Variants in ATG2B observed in about 807,000 individuals in gnomAD.
The protein encoded by ATG2B is autophagy-related protein 2 homolog B.
A neutral mutation model predicts 241.3 loss-of-function variants in ATG2B; 121 were observed. The observed-to-expected ratio is 0.50, with a 90% CI of 0.43 to 0.58. The LOEUF (loss-of-function observed/expected upper bound fraction) is 0.58, where lower values mean the gene tolerates loss of function less well. ATG2B is among the 20% of genes least tolerant of loss of function. The pLI is 0.00. For synonymous variants in ATG2B, 858 were observed against 876.6 expected (o/e 0.98, Z 0.37); for missense variants, 2,306 against 2,491.6 (o/e 0.93, Z 1.59).
chr14:96,295,727 C>CCACACACACACACACACA (rs59902412), intron 34 of ATG2B, among the ~76,000 whole-genome samples, 167 bp from the exon 35 acceptor site: 20,432 of 145,626 alleles, frequency 0.14, 1,537 homozygotes, highest in East Asian at 0.18. Context: ...CTTCCCCCCA[C>CCACACACACACACACACA]CACACACACA....
At chr14:96,304,714 A>T in intron 31 of ATG2B, 111 bp from the exon 32 acceptor site, 1 of 802,326 alleles carries the variant, frequency 1.2e-6, no homozygotes, top group Non-Finnish European at 1.9e-6. Flanking sequence ...AAGAGTACAG[A>T]GCTATCAGAA....
intron 27 of ATG2B, 34 bp downstream of exon 27, chr14:96,311,508 G>T: frequency 6.6e-7 from 1 of 1,512,658 alleles, no homozygotes; most frequent in South Asian, 1.2e-5. Context: ...TTAAAAAATA[G>T]AACTTAAAAT....
intron 38 of ATG2B, 67 bp from the exon 39 acceptor site, chr14:96,291,002 GTTT>G: frequency 1.5e-6 from 2 of 1,315,860 alleles, no homozygotes; most frequent in Admixed American, 5.3e-5. Context: ...TAGTTTGAGG[GTTT>G]TTTTTTACTT....
At position 96,290,298 on chromosome 14, in the gene ATG2B, C is replaced by A. The variant is rs1192928621; in HGVS notation, c.5856+138G>T. Reference sequence around the variant, plus strand: ...CTAAACATTTAAGCAATAAAACAAGCATGACATTAAATCACTACGAATAAA... The same window carrying A: ...CTAAACATTTAAGCAATAAAACAAGAATGACATTAAATCACTACGAATAAA... On this transcript the variant is annotated intron_variant, in intron 40 of 41. Transcript: ENST00000359933. The surrounding 1 kb of genome is among the most constrained non-coding windows in gnomAD (Gnocchi z 4.4). 1.6e-6 allele frequency: 2 copies of A among 1,289,718 alleles called. No individual in the cohort carries two copies. Among genetic ancestry groups the A allele is most frequent in the Non-Finnish European group, 2.1e-6 (2 of 955,788 alleles). 79.9% of individuals were successfully genotyped at this position (1,289,718 alleles called of 1,614,324 possible). A position where few individuals can be genotyped will look rare whatever the true frequency, so the allele number is the denominator to read the frequency against.
chr14:96,335,673 C>A (rs1392073290), intron 6 of ATG2B, among the ~76,000 whole-genome samples: 1 of 152,174 alleles, frequency 6.6e-6, no homozygotes, highest in Admixed American at 6.5e-5. Flanking sequence ...TGCCCACAGA[C>A]AACTTATTTT....
intron 33 of ATG2B, 140 bp downstream of exon 33, chr14:96,302,921 A>T (rs1886831614): frequency 3.3e-6 from 2 of 613,450 alleles, no homozygotes; most frequent in Non-Finnish European, 5.2e-6. Flanking sequence ...AACTTTAAGC[A>T]ATACATTCAA....
chr14:96,301,876 C>A (rs573375206), intron 34 of ATG2B, 131 bp downstream of exon 34: 1 of 665,964 alleles, frequency 1.5e-6, no homozygotes, highest in Non-Finnish European at 2.5e-6. Context: ...TTGCCCTATT[C>A]TTTATCAGAA....
Position 96,335,872 on chromosome 14 carries a change from T to C in ATG2B, c.925-1371A>G, listed in dbSNP as rs555757802. On this transcript the variant is annotated intron_variant, in intron 6 of 41. Transcript: ENST00000359933. ...AATCAAGAGTTTCATTTCTAATTCA[T>C]TGAAATTAAAATTTTCATAGAAATA... 7.2e-5 allele frequency among the ~76,000 whole-genome samples: 11 copies of C among 152,358 alleles called. No homozygotes were observed. The East Asian group carries it at 1.2e-3, about 16-fold the overall frequency.
At chr14:96,341,740 T>C (rs1888042804) in intron 5 of ATG2B, 39 bp from the exon 6 acceptor site, 1 of 1,346,048 alleles carries the variant, frequency 7.4e-7, no homozygotes, top group Non-Finnish European at 1.0e-6. Flanking sequence ...TAAAATACTT[T>C]CATATAAATA....
chr14:96,311,018 C>G (rs1383842154), intron 28 of ATG2B, 99 bp downstream of exon 28: 22 of 1,129,670 alleles, frequency 1.9e-5, no homozygotes, highest in Non-Finnish European at 2.5e-5. Context: ...GAATGACTTT[C>G]AAAGTTTCTT....
In ATG2B at chr14:96,325,699, C is replaced by T; in HGVS notation, c.2387G>A (p.Gly796Glu). 1 of 1,613,620 alleles carries T rather than the reference C, an allele frequency of 6.2e-7. No individual in the cohort carries two copies. The highest frequency in any genetic ancestry group is 1.3e-5 in the African/African-American group (1 of 74,950). Residue 796 changes from glycine to glutamate, a missense_variant, in exon 15 of 42, where the codon GGA becomes GAA. Gly to Glu is a moderately conservative substitution (Grantham distance 98, BLOSUM62 -2). Coordinates refer to ENST00000359933, the MANE Select transcript of ATG2B (RefSeq NM_018036.7). ...DLEFKTEFIG[G>E]STPEQIKLEL... ...CAATTTAATTTGTTCTGGGGTTGATCCTCCTATAAATTCAGTCTTAAATTC... is the reference window on the plus strand; with the variant it reads ...CAATTTAATTTGTTCTGGGGTTGATTCTCCTATAAATTCAGTCTTAAATTC...
At chr14:96,298,447 G>A (rs1246294095) in intron 34 of ATG2B, among the ~76,000 whole-genome samples, 1 of 152,208 alleles carries the variant, frequency 6.6e-6, no homozygotes, top group Non-Finnish European at 1.5e-5. Context: ...ACCAAGAGAA[G>A]TGAAAACGTA....
At position 96,319,958 on chromosome 14, in the gene ATG2B, G is replaced by A. The variant is rs547133408; in HGVS notation, c.2880-2103C>T. On this transcript the variant is annotated intron_variant, in intron 18 of 41. Transcript: ENST00000359933. Reference sequence around the variant, plus strand: ...ATATGATCCCAGAAAGTGAGGGAGCGCTTCAGTATTTATGCAATTCTAGGG... The same window carrying A: ...ATATGATCCCAGAAAGTGAGGGAGCACTTCAGTATTTATGCAATTCTAGGG... 7.9e-5 allele frequency among the ~76,000 whole-genome samples: 12 copies of A among 152,222 alleles called. 1 individual carries two copies. Among genetic ancestry groups the A allele is most frequent in the African/African-American group, 1.7e-4 (7 of 41,542 alleles).
chr14:96,298,711 C>T (rs1220413281), intron 34 of ATG2B, among the ~76,000 whole-genome samples: 1 of 152,146 alleles, frequency 6.6e-6, no homozygotes, highest in Non-Finnish European at 1.5e-5. Flanking sequence ...AAAAACTAAT[C>T]TATGGTGACC....
intron 6 of ATG2B, among the ~76,000 whole-genome samples, chr14:96,335,468 G>A (rs537327830): frequency 2.0e-5 from 3 of 151,950 alleles, no homozygotes; most frequent in East Asian, 3.9e-4. Flanking sequence ...TTTAGCATTG[G>A]GGTACCATGC....
intron 38 of ATG2B, 115 bp downstream of exon 38, chr14:96,291,481 GCTCT>G: frequency 3.3e-6 from 2 of 598,040 alleles, no homozygotes; most frequent in Non-Finnish European, 2.9e-6. Flanking sequence ...CTAAAAATGA[GCTCT>G]CTAAATAAAA....
At position 96,360,933 on chromosome 14, in the gene ATG2B, CAAAAA is replaced by C. The variant is rs35630598; in HGVS notation, c.162+1877_162+1881del. ...CAAAGCAAGAGAATGAATCCTCTAC[CAAAAA>C]AAAAAAAAAAAAAAAATCAAGTGTG... is the stretch of plus-strand genomic sequence containing the variant. On this transcript the variant is annotated intron_variant, in intron 1 of 41. Transcript: ENST00000359933. Among the ~76,000 whole-genome samples the C allele has an allele frequency of 7.0e-3, 515 of 73,718 alleles. 2 individuals are homozygous for C. The highest frequency in any genetic ancestry group is 9.1e-3 in the Middle Eastern group (1 of 110). The allele number at this position is 73,718 out of a possible 152,430, so 48.4% of individuals were successfully genotyped here.
At chr14:96,303,300 C>A (rs752199524) in intron 32 of ATG2B, 45 bp from the exon 33 acceptor site, 2 of 1,370,376 alleles carry the variant, frequency 1.5e-6, no homozygotes, top group South Asian at 3.5e-5. Context: ...CTTTACATTC[C>A]TTTTATTAAA....
At chr14:96,357,561 A>G (rs973905026) in intron 1 of ATG2B, among the ~76,000 whole-genome samples, 1 of 151,840 alleles carries the variant, frequency 6.6e-6, no homozygotes, top group Non-Finnish European at 1.5e-5. Flanking sequence ...CCCACTCCCA[A>G]CTCCAGACAG....
Sources: gnomAD v4.1 joint callset for allele counts (sites outside exome capture counted in the v4.1 genomes callset) on GRCh38, gnomAD v4.1.1 for gene constraint, Gnocchi (gnomAD v3.1) non-coding constraint, MANE v1.5 for transcripts, NCBI Gene and HGNC (gene_info 2026-07-23, HGNC 2026-07-21) for gene names.